The following POLR3G variants were observed in gnomAD, a reference collection of about 807,000 sequenced individuals.
POLR3G encodes the protein RNA polymerase III subunit G.
POLR3G carries 28 observed loss-of-function variants against 30.1 expected under a neutral mutation model. The observed-to-expected ratio is 0.93, with a 90% confidence interval of 0.69 to 1.27. POLR3G has a LOEUF of 1.27. Ranked by LOEUF, POLR3G falls within the 50% of genes most tolerant of loss-of-function variation. The pLI is 0.00. For synonymous variants in POLR3G, 79 were observed against 82.5 expected, an observed-to-expected ratio of 0.96 and a Z score of 0.23; for missense variants, 254 against 264.6, an observed-to-expected ratio of 0.96 and a Z score of 0.28.
At chr5:90,499,155 G>T (rs1285230259) in intron 5 of POLR3G, among the ~76,000 whole-genome samples, 1 of 152,158 alleles carries the variant, frequency 6.6e-6, no homozygotes, top group Non-Finnish European at 1.5e-5. Flanking sequence ...CATTATCAGA[G>T]ATATGATCAT....
At chr5:90,487,378 ATTTTTTTTT>A (rs59951999) in intron 2 of POLR3G, among the ~76,000 whole-genome samples, 61 of 57,022 alleles carry the variant, frequency 1.1e-3, no homozygotes, top group African/African-American at 4.3e-3. Context: ...TGGTACATTA[ATTTTTTTTT>A]TTTTTTTTTT....
At chr5:90,487,454 C>T (rs922301216) in intron 2 of POLR3G, among the ~76,000 whole-genome samples, 7 of 134,624 alleles carry the variant, frequency 5.2e-5, no homozygotes, top group Admixed American at 8.5e-5. Context: ...TACAGTGGCG[C>T]GATCTTGGCT....
chr5:90,475,486 A>ATTATTATTTAT (rs1554037793), intron 1 of POLR3G, among the ~76,000 whole-genome samples: 1,551 of 144,382 alleles, frequency 0.011, 20 homozygotes, highest in African/African-American at 0.037. Context: ...TAATTTTATT[A>ATTATTATTTAT]TTATTTATTT....
chr5:90,481,222 C>T (rs1468646061), intron 1 of POLR3G, among the ~76,000 whole-genome samples: 1 of 151,326 alleles, frequency 6.6e-6, no homozygotes, highest in African/African-American at 2.4e-5. Context: ...TGAAATAGAC[C>T]AACACCTGAA....
intron 3 of POLR3G, among the ~76,000 whole-genome samples, chr5:90,489,142 A>G (rs566065040): frequency 6.6e-6 from 1 of 152,338 alleles, no homozygotes; most frequent in African/African-American, 2.4e-5. Context: ...TAATGATCTT[A>G]GCATGTGCTT....
At chr5:90,490,368 A>G (rs1751661001) in intron 3 of POLR3G, among the ~76,000 whole-genome samples, 1 of 144,848 alleles carries the variant, frequency 6.9e-6, no homozygotes, top group Non-Finnish European at 1.5e-5. Context: ...TGAGATCTTC[A>G]TGTTTACTTC....
chr5:90,491,499 A>G (rs1432195895), intron 3 of POLR3G, among the ~76,000 whole-genome samples: 1 of 151,818 alleles, frequency 6.6e-6, no homozygotes, highest in African/African-American at 2.4e-5. Context: ...ATATACCATC[A>G]GTGTCCATGA....
rs1405753469 is a variant in POLR3G, at chr5:90,507,625, C to A, written c.585+951C>A. 2.0e-5 allele frequency among the ~76,000 whole-genome samples: 3 copies of A among 152,158 alleles called. 1 individual carries two copies. Among genetic ancestry groups the A allele is most frequent in the Non-Finnish European group, 4.4e-5 (3 of 68,034 alleles). On this transcript the variant is annotated intron_variant, in intron 7 of 7. Transcript: ENST00000651687. ...TGATCTATTTTGAACCAACACTAAG[C>A]TGTTGCAAGTAGTAGAAGCTTCTGA...
In POLR3G at chr5:90,487,992, T is replaced by G; in HGVS notation, c.118-8T>G. 1 of 1,533,814 alleles carries G rather than the reference T, an allele frequency of 6.5e-7. No homozygotes were observed. Among genetic ancestry groups the G allele is most frequent in the Non-Finnish European group, 8.7e-7 (1 of 1,146,384 alleles). On this transcript the variant is annotated splice_polypyrimidine_tract_variant and splice_region_variant and intron_variant, in intron 2 of 7. Coordinates refer to ENST00000651687, the MANE Select transcript of POLR3G (RefSeq NM_006467.3). ...TTGAAAAAAATCTTTGTCTCTTAATTTAAACAGGATACAGATTATAAACCA... is the reference window on the plus strand; with the variant it reads ...TTGAAAAAAATCTTTGTCTCTTAATGTAAACAGGATACAGATTATAAACCA...
At chr5:90,495,229 T>C (rs116503169) in intron 3 of POLR3G, among the ~76,000 whole-genome samples, 2,158 of 152,310 alleles carry the variant, frequency 0.014, 60 homozygotes, top group African/African-American at 0.05. Context: ...CCTTCCCTTT[T>C]TCATGCCTAA....
At chr5:90,474,365 C>A (rs555024089), upstream of POLR3G, 62 of 1,382,390 alleles carry the variant, frequency 4.5e-5, no homozygotes, top group African/African-American at 6.1e-4. Flanking sequence ...ACACACAGGG[C>A]ACTGCGGCTG....
At chr5:90,487,788 G>A (rs1201112582) in intron 2 of POLR3G, among the ~76,000 whole-genome samples, 3 of 152,092 alleles carry the variant, frequency 2.0e-5, no homozygotes, top group Non-Finnish European at 2.9e-5. Flanking sequence ...GGAAAATTAC[G>A]CATCTTTCTT....
chr5:90,488,163 A>G (rs1400820024), intron 3 of POLR3G, 34 bp downstream of exon 3: 5 of 1,497,398 alleles, frequency 3.3e-6, no homozygotes, highest in Non-Finnish European at 4.5e-6. Context: ...ATGTGGCTTA[A>G]TGTATACAGA....
intron 4 of POLR3G, among the ~76,000 whole-genome samples, chr5:90,496,723 T>C (rs892727742): frequency 2.0e-5 from 3 of 152,254 alleles, no homozygotes; most frequent in African/African-American, 7.2e-5. Flanking sequence ...CTTGGTCTTT[T>C]ATGGAAACTC....
rs10064797 is a variant in POLR3G, at chr5:90,511,862, G to A, written c.586-191G>A. 3.1e-3 allele frequency among the ~76,000 whole-genome samples: 479 copies of A among 152,244 alleles called. 2 individuals carry two copies. The highest frequency in any genetic ancestry group is 0.011 in the African/African-American group (446 of 41,536). ...TGAGATGGTATGGGCAACCCTTCAT[G>A]TTCTCTTAGCTAGTTAGTGCCTGAC... On this transcript the variant is annotated intron_variant, in intron 7 of 7. Transcript: ENST00000651687.
intron 7 of POLR3G, 116 bp downstream of exon 7, chr5:90,506,790 T>A: frequency 7.3e-7 from 1 of 1,361,948 alleles, no homozygotes; most frequent in Non-Finnish European, 9.5e-7. Context: ...GAACCAGAAG[T>A]ATATTATTAT....
rs1752819727 is a variant in POLR3G, at chr5:90,513,241, ATAATT to A, written c.*1104_*1108del. On this transcript the variant is annotated 3_prime_UTR_variant, in exon 8 of 8. Coordinates refer to ENST00000651687, the MANE Select transcript of POLR3G (RefSeq NM_006467.3). ...TTATCAATGTTATCTACCAAAAGAAATAATTTTATTTTTCCCCTTTGGGGAGATAT... is the reference window on the plus strand; with the variant it reads ...TTATCAATGTTATCTACCAAAAGAAATTATTTTTCCCCTTTGGGGAGATAT... The A allele has an allele frequency of 6.6e-6, 1 of 152,620 alleles. No individual in the cohort carries two copies. Among genetic ancestry groups the A allele is most frequent in the Non-Finnish European group, 1.5e-5 (1 of 67,988 alleles). The allele number at this position is 152,620 out of a possible 1,614,324, so 9.5% of individuals were successfully genotyped here.
intron 3 of POLR3G, among the ~76,000 whole-genome samples, chr5:90,492,860 CAAAA>C (rs59127797): frequency 3.9e-5 from 5 of 128,246 alleles, no homozygotes; most frequent in Non-Finnish European, 5.0e-5. Flanking sequence ...GACTCCGCCT[CAAAA>C]AAAAAAAAAA....
chr5:90,476,488 G>T (rs1750826222), intron 1 of POLR3G, among the ~76,000 whole-genome samples: 1 of 152,182 alleles, frequency 6.6e-6, no homozygotes, highest in African/African-American at 2.4e-5. Context: ...TTTTGAGCTG[G>T]CCTTAAAAGA....
Sources: allele counts gnomAD v4.1 joint callset (sites outside exome capture counted in the v4.1 genomes callset), GRCh38; gene constraint gnomAD v4.1.1; transcripts MANE v1.5; gene names NCBI Gene and HGNC (gene_info 2026-07-23, HGNC 2026-07-21).